The following EIF4G3 variants were observed in gnomAD, a reference collection of about 807,000 sequenced individuals.
EIF4G3 encodes the protein eIF-4-gamma 3.
EIF4G3 carries 34 observed loss-of-function variants against 186.4 expected under a neutral mutation model. That is an observed-to-expected ratio of 0.18 (90% confidence interval 0.14 to 0.24). The LOEUF (loss-of-function observed/expected upper bound fraction) is 0.24. Ranked by LOEUF, EIF4G3 falls within the 10% of genes least tolerant of loss-of-function variation. The pLI is 1.00. For missense variants in EIF4G3, 1,536 were observed against 1,948.5 expected, an observed-to-expected ratio of 0.79 and a Z score of 3.99; for synonymous variants, 673 against 679.5, an observed-to-expected ratio of 0.99 and a Z score of 0.15.
chr1:21,101,673 T>G (rs1387886331), intron 2 of EIF4G3, among the ~76,000 whole-genome samples: 1 of 150,440 alleles, frequency 6.6e-6, no homozygotes, highest in East Asian at 2.0e-4. Flanking sequence ...CCAACAGACA[T>G]TCCTCCAACT....
intron 2 of EIF4G3, among the ~76,000 whole-genome samples, chr1:21,134,586 T>G (rs752758352): frequency 1.1e-4 from 16 of 152,172 alleles, no homozygotes; most frequent in Non-Finnish European, 1.9e-4. Context: ...TGAGAATCAC[T>G]TGAGCCCGGG....
Position 20,942,305 on chromosome 1 carries a change from C to G in EIF4G3, c.849G>C (p.Val283=), listed in dbSNP as rs146139719. ...KQEEKPKPDP[V]LKSPSPVLRL... ...TAAGGACTGGGGAAGGAGACTTTAACACTGGATCTGGTTTTGGCTTCTCCT... is the reference window on the plus strand; with the variant it reads ...TAAGGACTGGGGAAGGAGACTTTAAGACTGGATCTGGTTTTGGCTTCTCCT... Residue 283 remains valine, a synonymous_variant, in exon 14 of 37, where the codon GTG becomes GTC. Transcript: ENST00000602326. 1 of 1,585,858 alleles carries G rather than the reference C, an allele frequency of 6.3e-7. No homozygotes were observed. Among genetic ancestry groups the G allele is most frequent in the East Asian group, 2.2e-5 (1 of 44,704 alleles).
intron 7 of EIF4G3, among the ~76,000 whole-genome samples, chr1:20,993,088 T>A (rs1485955463): frequency 6.6e-6 from 1 of 152,186 alleles, no homozygotes; most frequent in Non-Finnish European, 1.5e-5. Flanking sequence ...GCTCTTCAGG[T>A]TATAAAATGC....
At chr1:21,133,886 A>T (rs2097195908) in intron 2 of EIF4G3, among the ~76,000 whole-genome samples, 1 of 152,206 alleles carries the variant, frequency 6.6e-6, no homozygotes, top group South Asian at 2.1e-4. Context: ...TTATAGATAA[A>T]TAAGTATCAT....
At chr1:20,849,935 C>G (rs558801689) in intron 28 of EIF4G3, among the ~76,000 whole-genome samples, 10 of 152,258 alleles carry the variant, frequency 6.6e-5, no homozygotes, top group African/African-American at 2.4e-4. Context: ...TACTACAGCT[C>G]TGCTCACAGT....
At chr1:20,815,468 C>T (rs1332271876) in intron 34 of EIF4G3, among the ~76,000 whole-genome samples, 7 of 150,934 alleles carry the variant, frequency 4.6e-5, no homozygotes, top group Admixed American at 4.6e-4. Context: ...CTCTGCTGGG[C>T]CGCAACCCTG....
At chr1:21,079,880 G>A (rs556464393) in intron 3 of EIF4G3, among the ~76,000 whole-genome samples, 6 of 150,726 alleles carry the variant, frequency 4.0e-5, no homozygotes, top group South Asian at 2.1e-4. Flanking sequence ...GCCCGGGTGC[G>A]GTGGCTCACT....
chr1:20,970,002 C>T (rs1046242327), intron 11 of EIF4G3, among the ~76,000 whole-genome samples: 2 of 151,898 alleles, frequency 1.3e-5, no homozygotes, highest in African/African-American at 4.8e-5. Flanking sequence ...CTCGCTCTAT[C>T]ACCCAGGCTG....
intron 19 of EIF4G3, among the ~76,000 whole-genome samples, chr1:20,884,630 G>C (rs767550163): frequency 4.0e-4 from 61 of 152,074 alleles, no homozygotes; most frequent in Non-Finnish European, 7.5e-4. Flanking sequence ...GAAATGGAGA[G>C]AATTATCTCA....
rs1377586393 is a variant in EIF4G3 at position 20,813,255 on chromosome 1, A to C, written c.4516-16T>G. ...CTAGATTAGCCTGAAGTCAAAAAGA[A>C]ATAAAACAATTAAAGATACCTTGCT... On this transcript the variant is annotated splice_polypyrimidine_tract_variant and intron_variant, in intron 34 of 36. Coordinates refer to ENST00000602326, the MANE Select transcript of EIF4G3 (RefSeq NM_001391906.1). 4 of 1,597,268 alleles carry C rather than the reference A, an allele frequency of 2.5e-6. No homozygotes were observed. Among genetic ancestry groups the C allele is most frequent in the Non-Finnish European group, 3.4e-6 (4 of 1,165,866 alleles).
chr1:20,874,418 G>T lies in EIF4G3; in HGVS notation c.2622+4905C>A, dbSNP rs1392647421. ...TGGTTTTGATTTGCATTTCTCCGAT[G>T]ATCAGTGATGTTGAACTTTTTTTCA... On this transcript the variant is annotated intron_variant, in intron 20 of 36. Transcript: ENST00000602326. 2.0e-5 allele frequency among the ~76,000 whole-genome samples: 3 copies of T among 152,146 alleles called. No individual in the cohort carries two copies. The East Asian group carries it at 5.8e-4, about 29-fold the overall frequency.
In EIF4G3 at chr1:20,807,117, C is replaced by T. The variant is rs1365682205; in HGVS notation, c.*202G>A. On this transcript the variant is annotated 3_prime_UTR_variant, in exon 37 of 37. Transcript: ENST00000602326. ...ACATGTATTTTGGTTTTAGTGCTCC[C>T]GCCCTAAGGTTTGAAGTTTACTTTT... is the stretch of plus-strand genomic sequence containing the variant. The T allele has an allele frequency of 4.6e-5, 18 of 389,796 alleles. No homozygotes were observed. The Admixed American group carries it at 5.4e-4, about 12-fold the overall frequency. 24.1% of individuals were successfully genotyped at this position (389,796 alleles called of 1,614,324 possible). A position where few individuals can be genotyped will look rare whatever the true frequency, so the allele number is the denominator to read the frequency against.
chr1:20,934,741 T>C (rs143376460), intron 14 of EIF4G3, among the ~76,000 whole-genome samples: 15 of 152,174 alleles, frequency 9.9e-5, no homozygotes, highest in African/African-American at 3.1e-4. Context: ...GGAGTTATAG[T>C]ACTGATTCAA....
chr1:21,077,720 A>C (rs1410903364), intron 3 of EIF4G3, among the ~76,000 whole-genome samples: 1 of 152,052 alleles, frequency 6.6e-6, no homozygotes, highest in Non-Finnish European at 1.5e-5. Flanking sequence ...ATCTCTACGA[A>C]AAATACAAAA....
At chr1:20,995,633 A>G (rs1357150314) in intron 7 of EIF4G3, among the ~76,000 whole-genome samples, 3 of 152,130 alleles carry the variant, frequency 2.0e-5, no homozygotes, top group Non-Finnish European at 4.4e-5. Context: ...CAGCCTCCCA[A>G]AGTGTTGGGA....
intron 3 of EIF4G3, among the ~76,000 whole-genome samples, chr1:21,058,004 G>A (rs2094647058): frequency 1.3e-5 from 2 of 152,078 alleles, no homozygotes; most frequent in African/African-American, 2.4e-5. Flanking sequence ...TGCAAATTAG[G>A]ATTAGTCATT....
intron 30 of EIF4G3, among the ~76,000 whole-genome samples, 189 bp downstream of exon 30, chr1:20,840,667 G>C (rs1571423738): frequency 1.3e-5 from 2 of 152,076 alleles, no homozygotes; most frequent in South Asian, 4.1e-4. Context: ...TTATGCCCTA[G>C]CACAATCTAT....
intron 4 of EIF4G3, among the ~76,000 whole-genome samples, chr1:21,030,577 G>A (rs1344452223): frequency 6.6e-6 from 1 of 152,044 alleles, no homozygotes; most frequent in Non-Finnish European, 1.5e-5. Context: ...CCTGAAAATG[G>A]ACTAATACAT....
chr1:21,098,928 T>C (rs2096454012), intron 2 of EIF4G3, among the ~76,000 whole-genome samples: 1 of 152,206 alleles, frequency 6.6e-6, no homozygotes, highest in Non-Finnish European at 1.5e-5. Flanking sequence ...CGACCCACTG[T>C]GCCTAGCCTC....
Sources: gnomAD v4.1 joint callset for allele counts (sites outside exome capture counted in the v4.1 genomes callset) on GRCh38, gnomAD v4.1.1 for gene constraint, MANE v1.5 for transcripts, NCBI Gene and HGNC (gene_info 2026-07-23, HGNC 2026-07-21) for gene names.